The following ARAP2 variants were observed in gnomAD, a reference collection of about 807,000 sequenced individuals.
ARAP2 encodes ArfGAP with RhoGAP domain, ankyrin repeat and PH domain 2, also known as arf-GAP with Rho-GAP domain, ANK repeat and PH domain-containing protein 2.
A neutral mutation model predicts 194.5 loss-of-function variants in ARAP2; 148 were observed. The observed-to-expected ratio is 0.76, with a 90% confidence interval of 0.67 to 0.87. The LOEUF is 0.87. ARAP2 is among the 40% of genes least tolerant of loss of function. The probability of loss-of-function intolerance (pLI) is 0.00; values close to 1 mark genes in which losing one functional copy is unlikely to be tolerated. For missense variants in ARAP2, 2,128 were observed against 1,989.7 expected, an observed-to-expected ratio of 1.07 and a Z score of -1.32; for synonymous variants, 695 against 683.5, an observed-to-expected ratio of 1.02 and a Z score of -0.26.
intron 1 of ARAP2, among the ~76,000 whole-genome samples, chr4:36,231,014 C>T (rs764580828): frequency 6.6e-6 from 1 of 152,126 alleles, no homozygotes. Flanking sequence ...CAGAGTAACA[C>T]CTAAAATGCT....
At chr4:36,153,738 A>G (rs761838828) in intron 15 of ARAP2, among the ~76,000 whole-genome samples, 1 of 152,198 alleles carries the variant, frequency 6.6e-6, no homozygotes, top group African/African-American at 2.4e-5. Context: ...AGCCTACAGG[A>G]CAACATACCT....
intron 9 of ARAP2, among the ~76,000 whole-genome samples, chr4:36,175,231 T>C (rs1319954401): frequency 6.6e-6 from 1 of 152,244 alleles, no homozygotes; most frequent in Non-Finnish European, 1.5e-5. Flanking sequence ...GATTACTGTG[T>C]GTGTTTGTAT....
intron 8 of ARAP2, among the ~76,000 whole-genome samples, chr4:36,185,342 T>C (rs1253652816): frequency 6.6e-6 from 1 of 152,180 alleles, no homozygotes; most frequent in Non-Finnish European, 1.5e-5. Flanking sequence ...CTTTAAGCAA[T>C]GCACTTTGAT....
intron 27 of ARAP2, among the ~76,000 whole-genome samples, chr4:36,099,903 AT>A (rs1363908758): frequency 1.3e-5 from 2 of 152,050 alleles, no homozygotes; most frequent in Non-Finnish European, 2.9e-5. Flanking sequence ...GGAGGACATA[AT>A]TTTTCTGTGT....
At chr4:36,153,291 T>TA (rs1394228342) in intron 15 of ARAP2, among the ~76,000 whole-genome samples, 1 of 152,162 alleles carries the variant, frequency 6.6e-6, no homozygotes, top group African/African-American at 2.4e-5. Context: ...TTCCCATTGA[T>TA]ATGGGAAGCA....
At chr4:36,135,505 C>A (rs1726483791) in intron 19 of ARAP2, among the ~76,000 whole-genome samples, 1 of 151,632 alleles carries the variant, frequency 6.6e-6, no homozygotes, top group Non-Finnish European at 1.5e-5. Flanking sequence ...TTCTATTTTC[C>A]ACAACACTAC....
intron 5 of ARAP2, among the ~76,000 whole-genome samples, chr4:36,028,546 G>A (rs987025667): frequency 6.6e-6 from 1 of 150,552 alleles, no homozygotes; most frequent in African/African-American, 2.4e-5. Context: ...TTTCCTATTC[G>A]ATTTGTAAAT....
downstream of ARAP2, among the ~76,000 whole-genome samples, chr4:36,062,838 A>T (rs1023758762): frequency 5.3e-5 from 8 of 152,210 alleles, no homozygotes; most frequent in African/African-American, 1.9e-4. Flanking sequence ...AATACAATGT[A>T]ATTTGTAATA....
intron 27 of ARAP2, among the ~76,000 whole-genome samples, chr4:36,105,882 G>A (rs1313722506): frequency 6.6e-6 from 1 of 151,968 alleles, no homozygotes; most frequent in African/African-American, 2.4e-5. Context: ...AAGGTATTAT[G>A]TCTAGGTGTA....
intron 27 of ARAP2, 125 bp from the exon 28 acceptor site, chr4:36,092,145 G>A: frequency 8.9e-7 from 1 of 1,120,330 alleles, no homozygotes; most frequent in Non-Finnish European, 1.2e-6. Flanking sequence ...TAAAGTCTAA[G>A]GTGAACTTCC....
intron 20 of ARAP2, among the ~76,000 whole-genome samples, chr4:36,131,712 C>T (rs1725494987): frequency 6.6e-6 from 1 of 151,614 alleles, no homozygotes; most frequent in Admixed American, 6.6e-5. Context: ...TTAAGAAAGG[C>T]CTTATGCTAT....
intron 9 of ARAP2, 150 bp downstream of exon 9, chr4:36,177,677 C>T (rs547475127): frequency 1.6e-5 from 11 of 692,350 alleles, no homozygotes; most frequent in Admixed American, 8.0e-5. Flanking sequence ...GAAAATTCAA[C>T]AAAATCACTA....
intron 32 of ARAP2, among the ~76,000 whole-genome samples, chr4:36,070,660 A>G (rs1726629998): frequency 6.6e-6 from 1 of 152,228 alleles, no homozygotes; most frequent in African/African-American, 2.4e-5. Flanking sequence ...CAATGGTTAC[A>G]GAGGTCTTAG....
chr4:36,144,309 A>T (rs898257875), intron 19 of ARAP2, among the ~76,000 whole-genome samples: 4 of 151,840 alleles, frequency 2.6e-5, no homozygotes, highest in African/African-American at 9.7e-5. Context: ...TACCTTTTTT[A>T]TTTTCCTGCC....
chr4:36,179,606 A>G (rs574776289), intron 8 of ARAP2, among the ~76,000 whole-genome samples: 3 of 152,350 alleles, frequency 2.0e-5, no homozygotes, highest in African/African-American at 7.2e-5. Context: ...CATATGGAGA[A>G]GTAGTTATCA....
At chr4:36,181,769 C>T (rs1271593621) in intron 8 of ARAP2, among the ~76,000 whole-genome samples, 1 of 152,184 alleles carries the variant, frequency 6.6e-6, no homozygotes, top group Non-Finnish European at 1.5e-5. Context: ...TGACCATGAC[C>T]TTATTCTCCT....
chr4:36,011,500 T>A (rs1560258906), intron 9 of ARAP2, among the ~76,000 whole-genome samples: 1 of 152,168 alleles, frequency 6.6e-6, no homozygotes, highest in Non-Finnish European at 1.5e-5. Flanking sequence ...ATCTTCAGTT[T>A]CCCAGCCTTA....
In ARAP2 at chr4:36,229,552, T is replaced by A; in HGVS notation, c.-66A>T. Reference sequence around the variant, plus strand: ...ACGATGAGACACACACACAAGAAGATGTACTTCTCTACTGGCTTTTCCTCT... The same window carrying A: ...ACGATGAGACACACACACAAGAAGAAGTACTTCTCTACTGGCTTTTCCTCT... On this transcript the variant is annotated 5_prime_UTR_variant, in exon 2 of 33. Transcript: ENST00000303965. 1 of 1,270,272 alleles carries A rather than the reference T, an allele frequency of 7.9e-7. No homozygotes were observed. Among genetic ancestry groups the A allele is most frequent in the Non-Finnish European group, 1.1e-6 (1 of 916,256 alleles). 78.7% of individuals were successfully genotyped at this position (1,270,272 alleles called of 1,614,324 possible).
intron 5 of ARAP2, among the ~76,000 whole-genome samples, chr4:36,022,693 G>A (rs908287341): frequency 1.3e-5 from 2 of 152,104 alleles, no homozygotes; most frequent in African/African-American, 4.8e-5. Context: ...TGATAGAGAA[G>A]TGGTGATAGG....
Sources: allele counts gnomAD v4.1 joint callset (sites outside exome capture counted in the v4.1 genomes callset), GRCh38; gene constraint gnomAD v4.1.1; transcripts MANE v1.5; gene names NCBI Gene and HGNC (gene_info 2026-07-23, HGNC 2026-07-21).